OSBPL6: variants seen among roughly 807,000 people sequenced by gnomAD.
OSBPL6 encodes the protein oxysterol-binding protein-related protein 6.
In OSBPL6, 49 loss-of-function variants were observed where a neutral mutation model predicts 125.8. The observed-to-expected ratio is 0.39, with a 90% CI of 0.31 to 0.49. OSBPL6 has a LOEUF of 0.49. OSBPL6 is among the 20% of genes least tolerant of loss of function. The pLI is 0.88. For missense variants in OSBPL6, 986 were observed against 1,135.4 expected (o/e 0.87, Z 1.89); for synonymous variants, 394 against 391.8 (o/e 1.01, Z -0.07).
intron 1 of OSBPL6, among the ~76,000 whole-genome samples, chr2:178,233,809 T>C (rs1303486662): frequency 6.6e-6 from 1 of 152,214 alleles, no homozygotes; most frequent in Non-Finnish European, 1.5e-5. Context: ...GTTAAGCTGA[T>C]CTACTTAGGA....
intron 1 of OSBPL6, among the ~76,000 whole-genome samples, chr2:178,257,583 G>A (rs1009663863): frequency 1.4e-4 from 21 of 152,138 alleles, no homozygotes; most frequent in African/African-American, 5.1e-4. Context: ...TTTATATATT[G>A]CTTCACAGTT....
At chr2:178,384,877 T>TAA (rs56391259) in intron 18 of OSBPL6, among the ~76,000 whole-genome samples, 1 of 144,092 alleles carries the variant, frequency 6.9e-6, no homozygotes. Context: ...GTAGCCTTTT[T>TAA]AAAAAAAAAA....
intron 11 of OSBPL6, among the ~76,000 whole-genome samples, chr2:178,348,485 C>T (rs1690936181): frequency 2.6e-5 from 4 of 152,106 alleles, no homozygotes; most frequent in Admixed American, 2.0e-4. Flanking sequence ...GAACCTAGTC[C>T]ATATCCAGCC....
Position 178,349,206 on chromosome 2 carries a change from T to C in OSBPL6, c.988-18T>C. 2 of 1,612,796 alleles carry C rather than the reference T, an allele frequency of 1.2e-6. No homozygotes were observed. Among genetic ancestry groups the C allele is most frequent in the Non-Finnish European group, 1.7e-6 (2 of 1,178,788 alleles). On this transcript the variant is annotated intron_variant, in intron 11 of 24. Transcript: ENST00000190611. ...AATGCACTGTTGCTGTTTAATAATT[T>C]GTATCTTCCCCTTTCAGGTTCCTTT... is the stretch of plus-strand genomic sequence containing the variant.
intron 15 of OSBPL6, among the ~76,000 whole-genome samples, chr2:178,379,204 A>G (rs891562503): frequency 4.6e-5 from 7 of 150,960 alleles, no homozygotes; most frequent in African/African-American, 1.5e-4. Flanking sequence ...AAAAGAAAGG[A>G]AGGGAGGGAG....
intron 1 of OSBPL6, among the ~76,000 whole-genome samples, chr2:178,195,432 G>T (rs544246974): frequency 1.3e-5 from 2 of 152,378 alleles, no homozygotes; most frequent in East Asian, 3.9e-4. Context: ...TGCTGGGGGA[G>T]GAGGGAATGG....
chr2:178,354,304 G>T (rs1443698539), intron 12 of OSBPL6, among the ~76,000 whole-genome samples: 2 of 152,136 alleles, frequency 1.3e-5, no homozygotes, highest in Non-Finnish European at 2.9e-5. Flanking sequence ...ATTGGATAAA[G>T]AGTCAAGACC....
intron 10 of OSBPL6, 111 bp downstream of exon 10, chr2:178,339,205 C>A (rs1031958439): frequency 1.8e-6 from 1 of 561,748 alleles, no homozygotes; most frequent in Non-Finnish European, 3.0e-6. Flanking sequence ...AACTGCAATA[C>A]AGACATTCAT....
At chr2:178,387,853 A>T (rs1453362283) in intron 20 of OSBPL6, among the ~76,000 whole-genome samples, 1 of 151,980 alleles carries the variant, frequency 6.6e-6, no homozygotes, top group Non-Finnish European at 1.5e-5. Context: ...AAATACAAAA[A>T]ATTAGCTGGG....
At chr2:178,383,540 A>G (rs1022965573) in intron 17 of OSBPL6, among the ~76,000 whole-genome samples, 8 of 152,320 alleles carry the variant, frequency 5.3e-5, no homozygotes, top group Non-Finnish European at 1.2e-4. Flanking sequence ...TTAGAGGTTG[A>G]AGGCACACCT....
intron 1 of OSBPL6, among the ~76,000 whole-genome samples, chr2:178,217,843 C>T (rs1320263671): frequency 4.6e-5 from 7 of 152,198 alleles, no homozygotes. Context: ...CTGCTGGCAT[C>T]TATGTCTGCA....
At chr2:178,322,427 A>C (rs1028869115) in intron 3 of OSBPL6, among the ~76,000 whole-genome samples, 1 of 152,176 alleles carries the variant, frequency 6.6e-6, no homozygotes, top group South Asian at 2.1e-4. Flanking sequence ...AAGAAGTCCT[A>C]ACCATGATTT....
At chr2:178,200,647 A>G (rs959164219) in intron 1 of OSBPL6, among the ~76,000 whole-genome samples, 1 of 152,112 alleles carries the variant, frequency 6.6e-6, no homozygotes, top group Non-Finnish European at 1.5e-5. Context: ...AGAAATTAGT[A>G]ATATATTTTT....
chr2:178,213,507 G>T (rs2089960519), intron 1 of OSBPL6, among the ~76,000 whole-genome samples: 1 of 151,842 alleles, frequency 6.6e-6, no homozygotes, highest in Non-Finnish European at 1.5e-5. Context: ...TCATCACCCT[G>T]CCCTTTTTCA....
chr2:178,374,029 T>G lies in OSBPL6; in HGVS notation c.1533+2T>G. 1 of 1,613,610 alleles carries G rather than the reference T, an allele frequency of 6.2e-7. No homozygotes were observed. The highest frequency in any genetic ancestry group is 8.5e-7 in the Non-Finnish European group (1 of 1,179,672). ...TCTGCAAGTTCGTCAGAGAATGAGG[T>G]ATGTATGCCTCCTTGACTTGTTGGC... On this transcript the variant is annotated splice_donor_variant, in intron 15 of 24. Transcript: ENST00000190611. LOFTEE classifies it high-confidence loss of function.
chr2:178,382,327 G>A, intron 15 of OSBPL6, 93 bp from the exon 16 acceptor site: 1 of 1,440,090 alleles, frequency 6.9e-7, no homozygotes, highest in Admixed American at 2.5e-5. Context: ...GCTTCTCACT[G>A]GAACAATATT....
At chr2:178,384,227 C>T (rs777586336) in intron 18 of OSBPL6, 51 bp downstream of exon 18, 7 of 1,575,848 alleles carry the variant, frequency 4.4e-6, no homozygotes, top group Non-Finnish European at 6.1e-6. Context: ...GAGGACAGTT[C>T]GGTGATGAAA....
chr2:178,242,185 A>G (rs1254584391), intron 1 of OSBPL6, among the ~76,000 whole-genome samples: 1 of 152,234 alleles, frequency 6.6e-6, no homozygotes, highest in Non-Finnish European at 1.5e-5. Context: ...ATGTACTCAG[A>G]AAAAAGAAAA....
chr2:178,333,820 A>G (rs1023888854), intron 8 of OSBPL6, among the ~76,000 whole-genome samples: 2 of 152,214 alleles, frequency 1.3e-5, no homozygotes, highest in East Asian at 1.9e-4. Context: ...TGACAATAAT[A>G]TAAATAGCAG....
Sources: gnomAD v4.1 joint callset for allele counts (sites outside exome capture counted in the v4.1 genomes callset) on GRCh38, gnomAD v4.1.1 for gene constraint, MANE v1.5 for transcripts, NCBI Gene and HGNC (gene_info 2026-07-23, HGNC 2026-07-21) for gene names.